The following DAB1 variants were observed in gnomAD, a reference collection of about 807,000 sequenced individuals.
DAB1 encodes the protein DAB adaptor protein 1, also known as disabled homolog 1.
DAB1 carries 15 observed loss-of-function variants against 64.6 expected under a neutral mutation model. That is an observed-to-expected ratio of 0.23 (90% CI 0.16 to 0.36). DAB1 has a LOEUF of 0.36. Among genes scored for constraint, DAB1 ranks in the 10% least tolerant of loss-of-function variants. The pLI, the probability that DAB1 is intolerant of heterozygous loss-of-function variation, is 1.00. For synonymous variants in DAB1, 235 were observed against 251.9 expected, an observed-to-expected ratio of 0.93 and a Z score of 0.64; for missense variants, 596 against 706.7, an observed-to-expected ratio of 0.84 and a Z score of 1.78.
intron 3 of DAB1, among the ~76,000 whole-genome samples, chr1:58,373,216 C>T (rs1381369887): frequency 2.7e-5 from 4 of 148,246 alleles, no homozygotes; most frequent in African/African-American, 5.0e-5. Flanking sequence ...TACATGTGCA[C>T]ATTGTGCAGG....
intron 1 of DAB1, among the ~76,000 whole-genome samples, chr1:57,361,614 T>C (rs951557218): frequency 6.6e-6 from 1 of 151,728 alleles, no homozygotes; most frequent in Non-Finnish European, 1.5e-5. Flanking sequence ...GGAATATGAG[T>C]AGACATAATG....
At position 58,224,100 on chromosome 1, in the gene DAB1, G is replaced by A. The variant is rs1468057350; in HGVS notation, n.310-73512C>T. Among the ~76,000 whole-genome samples, 7 of 152,230 alleles carry A rather than the reference G, an allele frequency of 4.6e-5. No individual in the cohort carries two copies. The East Asian group carries it at 7.7e-4, about 17-fold the overall frequency. ...CTTGCTGGATTTCTAGTGGCAGTGG[G>A]GTATGAGGCAACAAGCCTAGAATTT... is the stretch of plus-strand genomic sequence containing the variant. On this transcript the variant is annotated intron_variant and non_coding_transcript_variant, in intron 4 of 20. Transcript: ENST00000485760.
chr1:57,667,237 T>C (rs1017654309), intron 6 of DAB1, among the ~76,000 whole-genome samples: 2 of 152,148 alleles, frequency 1.3e-5, no homozygotes, highest in Non-Finnish European at 2.9e-5. Flanking sequence ...GATTACCTTA[T>C]GAAAGATTGC....
intron 4 of DAB1, among the ~76,000 whole-genome samples, chr1:58,211,636 C>T (rs950678138): frequency 3.3e-5 from 5 of 152,152 alleles, no homozygotes; most frequent in African/African-American, 1.2e-4. Flanking sequence ...TTTCCATTGC[C>T]TATGGCTTGA....
chr1:57,833,184 T>G (rs550055201), intron 1 of DAB1, among the ~76,000 whole-genome samples: 1 of 152,262 alleles, frequency 6.6e-6, no homozygotes, highest in South Asian at 2.1e-4. Flanking sequence ...TTATCGGTGG[T>G]GAATCCTACT....
chr1:57,941,957 C>T (rs192450974), intron 5 of DAB1, among the ~76,000 whole-genome samples: 1 of 152,296 alleles, frequency 6.6e-6, no homozygotes, highest in Admixed American at 6.5e-5. Context: ...AGTTACTTAA[C>T]AACTTAGAAC....
At chr1:57,645,487 G>C (rs1646182189) in intron 7 of DAB1, among the ~76,000 whole-genome samples, 1 of 152,130 alleles carries the variant, frequency 6.6e-6, no homozygotes, top group Non-Finnish European at 1.5e-5. Context: ...AGTCTCTTCA[G>C]CTTCTTCCTT....
chr1:58,425,223 A>G (rs1030891567), intron 3 of DAB1, among the ~76,000 whole-genome samples: 1 of 152,194 alleles, frequency 6.6e-6, no homozygotes, highest in Non-Finnish European at 1.5e-5. Context: ...AGCCTCTTTC[A>G]TTCTTTTTTA....
intron 5 of DAB1, among the ~76,000 whole-genome samples, chr1:58,124,492 C>G (rs1287382384): frequency 1.3e-5 from 2 of 152,098 alleles, no homozygotes; most frequent in Non-Finnish European, 2.9e-5. Flanking sequence ...CATGACTGTG[C>G]TTTGCCAGGA....
rs1368431387 is a variant in DAB1 at position 57,259,025 on chromosome 1, T to C, written c.67+31939A>G. Reference sequence around the variant, plus strand: ...CTTGGTAGATTTTTGTGAGGATTAATGAGATGGTTTTGATTAAGCACCTTG... The same window carrying C: ...CTTGGTAGATTTTTGTGAGGATTAACGAGATGGTTTTGATTAAGCACCTTG... On this transcript the variant is annotated intron_variant, in intron 2 of 14. Coordinates refer to ENST00000371236, the MANE Select transcript of DAB1 (RefSeq NM_001365792.1). Among the ~76,000 whole-genome samples the C allele has an allele frequency of 2.6e-5, 4 of 152,282 alleles. No individual in the cohort carries two copies. In the East Asian group the frequency reaches 7.7e-4, roughly 29 times the overall value.
intron 5 of DAB1, among the ~76,000 whole-genome samples, chr1:57,890,602 T>G (rs1227847612): frequency 1.3e-5 from 2 of 151,962 alleles, no homozygotes; most frequent in Non-Finnish European, 2.9e-5. Context: ...ATCCCCGGCA[T>G]GCACTACTAT....
intron 6 of DAB1, among the ~76,000 whole-genome samples, chr1:57,771,735 C>A (rs1157884879): frequency 1.3e-5 from 2 of 152,038 alleles, no homozygotes; most frequent in Non-Finnish European, 2.9e-5. Context: ...ATAATGTTTT[C>A]AGTGACTCTC....
chr1:57,556,179 T>G (rs1174275664), intron 7 of DAB1, among the ~76,000 whole-genome samples: 1 of 152,232 alleles, frequency 6.6e-6, no homozygotes, highest in Non-Finnish European at 1.5e-5. Flanking sequence ...ACTCATTGAT[T>G]GATGGGCATT....
chr1:57,464,996 A>G (rs1686908634), intron 7 of DAB1, among the ~76,000 whole-genome samples: 1 of 152,144 alleles, frequency 6.6e-6, no homozygotes, highest in Admixed American at 6.6e-5. Context: ...AACGTTACAA[A>G]GCTCAAGAAA....
chr1:57,848,699 T>TAACCTAAGGTTGAAGA (rs1273038781), intron 1 of DAB1, among the ~76,000 whole-genome samples: 1 of 152,148 alleles, frequency 6.6e-6, no homozygotes, highest in South Asian at 2.1e-4. Context: ...AGGAGCAAAA[T>TAACCTAAGGTTGAAGA]AACCTAAGGT....
At chr1:57,192,012 A>G (rs1028668259) in intron 2 of DAB1, among the ~76,000 whole-genome samples, 1 of 152,146 alleles carries the variant, frequency 6.6e-6, no homozygotes, top group African/African-American at 2.4e-5. Context: ...CAAGCAGCAC[A>G]GTGGTTAAGA....
In DAB1 at chr1:57,023,558, G is replaced by T. The variant is rs991105751; in HGVS notation, c.868C>A (p.Pro290Thr). 6 of 1,609,376 alleles carry T rather than the reference G, an allele frequency of 3.7e-6. No homozygotes were observed. The highest frequency in any genetic ancestry group is 5.1e-6 in the Non-Finnish European group (6 of 1,177,702). ...PASADVFSSVPFGTAAVPSGY... is the reference protein window; with the variant it reads ...PASADVFSSVTFGTAAVPSGY... ...GAGGGTACAGCAGCAGTGCCGAAAGGTACAGAACTAAACACATCTGCACTC... is the reference window on the plus strand; with the variant it reads ...GAGGGTACAGCAGCAGTGCCGAAAGTTACAGAACTAAACACATCTGCACTC... The change falls in exon 11 of 15, where the codon CCT (proline) becomes ACT (threonine). Residue 290 changes from proline to threonine, a missense_variant. Transcript: ENST00000371236.
At chr1:57,973,331 C>T (rs1645843139) in intron 5 of DAB1, among the ~76,000 whole-genome samples, 1 of 152,190 alleles carries the variant, frequency 6.6e-6, no homozygotes, top group Non-Finnish European at 1.5e-5. Context: ...GGCCTGCCAA[C>T]ACCTTGATTT....
intron 4 of DAB1, among the ~76,000 whole-genome samples, chr1:58,246,698 ATG>A (rs1271642557): frequency 2.6e-5 from 4 of 152,032 alleles, no homozygotes; most frequent in African/African-American, 9.7e-5. Flanking sequence ...GGCATGTCTA[ATG>A]CTGTGTATAT....
Sources: allele counts gnomAD v4.1 joint callset (sites outside exome capture counted in the v4.1 genomes callset), GRCh38; gene constraint gnomAD v4.1.1; transcripts MANE v1.5; gene names NCBI Gene and HGNC (gene_info 2026-07-23, HGNC 2026-07-21).